MICU1: variants seen among roughly 807,000 people sequenced by gnomAD.
MICU1 encodes mitochondrial calcium uptake 1.
A neutral mutation model predicts 56.8 loss-of-function variants in MICU1; 45 were observed. That is an observed-to-expected ratio of 0.79 (90% CI 0.62 to 1.02). MICU1 has a LOEUF of 1.02. Among genes scored for constraint, MICU1 ranks in the 50% least tolerant of loss-of-function variants. The pLI is 0.00. For missense variants in MICU1, 504 were observed against 587.1 expected (o/e 0.86, Z 1.46); for synonymous variants, 186 against 195.1 (o/e 0.95, Z 0.39).
intron 8 of MICU1, among the ~76,000 whole-genome samples, chr10:72,429,419 C>CAAAAAAAAAAAAAA (rs34154785): frequency 8.8e-6 from 1 of 113,394 alleles, no homozygotes. Context: ...GATCCTGCCT[C>CAAAAAAAAAAAAAA]AAAAAAAAAA....
intron 7 of MICU1, 140 bp from the exon 8 acceptor site, chr10:72,475,437 T>G: frequency 2.3e-6 from 2 of 851,528 alleles, no homozygotes; most frequent in Non-Finnish European, 3.5e-6. Context: ...TACAACAATT[T>G]TTTTTTTTTG....
At chr10:72,512,628 T>C (rs1218627700) in intron 5 of MICU1, among the ~76,000 whole-genome samples, 1 of 152,192 alleles carries the variant, frequency 6.6e-6, no homozygotes, top group Non-Finnish European at 1.5e-5. Context: ...TCAATTCTTT[T>C]GGTATGTACT....
At chr10:72,566,153 T>A (rs1393849185) in intron 2 of MICU1, among the ~76,000 whole-genome samples, 2 of 142,706 alleles carry the variant, frequency 1.4e-5, no homozygotes, top group Non-Finnish European at 3.0e-5. Context: ...GTTCAAACAA[T>A]TCTCCTGCCT....
chr10:72,425,617 C>T (rs986071421), intron 8 of MICU1, among the ~76,000 whole-genome samples: 1 of 152,128 alleles, frequency 6.6e-6, no homozygotes, highest in Admixed American at 6.6e-5. Flanking sequence ...TTCTGCTTGT[C>T]CAAGTCGTAT....
intron 1 of MICU1, among the ~76,000 whole-genome samples, chr10:72,599,750 A>C (rs1207612881): frequency 1.3e-5 from 2 of 151,834 alleles, no homozygotes; most frequent in Non-Finnish European, 2.9e-5. Flanking sequence ...TACATTGGCA[A>C]CTTCTATTAT....
intron 1 of MICU1, among the ~76,000 whole-genome samples, chr10:72,568,586 C>T (rs191553559): frequency 2.6e-5 from 4 of 152,240 alleles, no homozygotes; most frequent in Admixed American, 1.3e-4. Context: ...GAATAAACCA[C>T]TGTCAAGCCC....
At chr10:72,459,784 G>A (rs1243167534) in intron 8 of MICU1, among the ~76,000 whole-genome samples, 1 of 152,150 alleles carries the variant, frequency 6.6e-6, no homozygotes, top group Non-Finnish European at 1.5e-5. Context: ...TGTAGAGAAA[G>A]CTATTGAGGT....
rs202087181 is a variant in MICU1, at chr10:72,436,467, C to G, written c.934-13096G>C. Among the ~76,000 whole-genome samples, 13 of 152,140 alleles carry G rather than the reference C, an allele frequency of 8.5e-5. No homozygotes were observed. In the East Asian group the frequency reaches 2.5e-3, roughly 29 times the overall value. ...CCACAAAGATGGGGAGAAACCAGAG[C>G]AGAAAAGCTAAAAATTCTAAAAATC... On this transcript the variant is annotated intron_variant, in intron 8 of 11. Transcript: ENST00000361114.
intron 1 of MICU1, among the ~76,000 whole-genome samples, chr10:72,624,078 A>T (rs1447702138): frequency 1.3e-5 from 2 of 152,266 alleles, no homozygotes; most frequent in Non-Finnish European, 2.9e-5. Flanking sequence ...TTTATCAATT[A>T]TATTAGTCCT....
At chr10:72,503,853 C>A (rs1457426146) in intron 6 of MICU1, among the ~76,000 whole-genome samples, 3 of 141,968 alleles carry the variant, frequency 2.1e-5, no homozygotes, top group South Asian at 2.2e-4. Context: ...GAACTCAATT[C>A]CATTTACAAT....
intron 10 of MICU1, among the ~76,000 whole-genome samples, chr10:72,397,263 A>G (rs867109994): frequency 6.6e-6 from 1 of 152,256 alleles, no homozygotes; most frequent in Non-Finnish European, 1.5e-5. Context: ...AGCCTGCCTT[A>G]TAAGAGCTCC....
chr10:72,419,459 TC>T (rs1864085735), intron 9 of MICU1, among the ~76,000 whole-genome samples: 1 of 152,216 alleles, frequency 6.6e-6, no homozygotes, highest in South Asian at 2.1e-4. Context: ...AGCTGACACT[TC>T]CTCTCAGAGC....
intron 1 of MICU1, among the ~76,000 whole-genome samples, chr10:72,589,294 A>G (rs1841156254): frequency 6.7e-6 from 1 of 148,914 alleles, no homozygotes; most frequent in South Asian, 2.2e-4. Context: ...GTCTCAGGGA[A>G]AAAAAAAAAA....
At position 72,469,779 on chromosome 10, in the gene MICU1, C is replaced by A. The variant is rs1232906666; in HGVS notation, c.933+5321G>T. Reference sequence around the variant, plus strand: ...GGACTTTTTCTCATAGTTCTGGAGGCTATACGAGTGTAAGTTCAAGGGGTC... The same window carrying A: ...GGACTTTTTCTCATAGTTCTGGAGGATATACGAGTGTAAGTTCAAGGGGTC... On this transcript the variant is annotated intron_variant, in intron 8 of 11. Transcript: ENST00000361114. Among the ~76,000 whole-genome samples the A allele has an allele frequency of 2.0e-5, 3 of 152,156 alleles. No homozygotes were observed. The East Asian group carries it at 5.8e-4, about 29-fold the overall frequency.
At chr10:72,387,058 T>C (rs747603867) in intron 10 of MICU1, among the ~76,000 whole-genome samples, 44 of 152,220 alleles carry the variant, frequency 2.9e-4, no homozygotes, top group Non-Finnish European at 2.4e-4. Flanking sequence ...TCAGTTCACT[T>C]TCATAAAGAT....
rs11376019 is a variant in MICU1, at chr10:72,566,039, CTT to C, written c.161+592_161+593del. On this transcript the variant is annotated intron_variant, in intron 2 of 11. Transcript: ENST00000361114. ...TGAAGTCTCAGAAAGCATTCATTTTCTTTTTTTTTTTTTTTTTTTTTTTGGAG... is the reference window on the plus strand; with the variant it reads ...TGAAGTCTCAGAAAGCATTCATTTTCTTTTTTTTTTTTTTTTTTTTTGGAG... Among the ~76,000 whole-genome samples, 24 of 69,830 alleles carry C rather than the reference CTT, an allele frequency of 3.4e-4. No homozygotes were observed. The East Asian group carries it at 3.7e-3, about 11-fold the overall frequency. The allele number at this position is 69,830 out of a possible 152,430, so 45.8% of individuals were successfully genotyped here.
chr10:72,432,043 A>C lies in MICU1; in HGVS notation c.934-8672T>G, dbSNP rs373496261. Reference sequence around the variant, plus strand: ...AAATAGCAGTGCTGATACTTGTCTCATTAGCTTAAGATTAAAAATATTTGC... The same window carrying C: ...AAATAGCAGTGCTGATACTTGTCTCCTTAGCTTAAGATTAAAAATATTTGC... On this transcript the variant is annotated intron_variant, in intron 8 of 11. Transcript: ENST00000361114. Among the ~76,000 whole-genome samples the C allele has an allele frequency of 1.1e-4, 17 of 148,058 alleles. No homozygotes were observed. In the South Asian group the frequency reaches 2.8e-3, roughly 24 times the overall value.
chr10:72,482,153 C>G (rs1256319154), intron 6 of MICU1, among the ~76,000 whole-genome samples: 1 of 152,170 alleles, frequency 6.6e-6, no homozygotes, highest in Admixed American at 6.5e-5. Context: ...CTATTTCTCT[C>G]ACTGTTCTTT....
At chr10:72,603,110 G>C (rs1841586230) in intron 1 of MICU1, among the ~76,000 whole-genome samples, 1 of 152,082 alleles carries the variant, frequency 6.6e-6, no homozygotes, top group Non-Finnish European at 1.5e-5. Context: ...TTCCCGGCTG[G>C]GAACAGTGGC....
Sources: gnomAD v4.1 joint callset for allele counts (sites outside exome capture counted in the v4.1 genomes callset) on GRCh38, gnomAD v4.1.1 for gene constraint, MANE v1.5 for transcripts, NCBI Gene and HGNC (gene_info 2026-07-23, HGNC 2026-07-21) for gene names.